The following FAM91A1 variants were observed in gnomAD, a reference collection of about 807,000 sequenced individuals.
The protein encoded by FAM91A1 is protein FAM91A1.
A neutral mutation model predicts 113.5 loss-of-function variants in FAM91A1; 41 were observed. The observed-to-expected ratio is 0.36, with a 90% CI of 0.28 to 0.47. The LOEUF (loss-of-function observed/expected upper bound fraction) is 0.47. FAM91A1 is among the 20% of genes least tolerant of loss of function. The pLI, the probability that FAM91A1 is intolerant of heterozygous loss-of-function variation, is 1.00. For synonymous variants in FAM91A1, 307 were observed against 347.9 expected, an observed-to-expected ratio of 0.88 and a Z score of 1.31; for missense variants, 696 against 1,001.2, an observed-to-expected ratio of 0.70 and a Z score of 4.11.
intron 15 of FAM91A1, among the ~76,000 whole-genome samples, chr8:123,797,367 CTTACAGTGTGT>C (rs1462272526): frequency 2.0e-5 from 3 of 152,128 alleles, no homozygotes; most frequent in Non-Finnish European, 4.4e-5. Context: ...TTAGATGGAA[CTTACAGTGTGT>C]TTACAGTGTG....
At position 123,777,207 on chromosome 8, in the gene FAM91A1, C is replaced by T. The variant is rs1045142833; in HGVS notation, c.310-58C>T. On this transcript the variant is annotated intron_variant, in intron 3 of 23. Transcript: ENST00000334705. Reference sequence around the variant, plus strand: ...TGGCTGTAATAATATTGTATTTATACACATTTTTATTTAAGGACATTTTAG... The same window carrying T: ...TGGCTGTAATAATATTGTATTTATATACATTTTTATTTAAGGACATTTTAG... The T allele has an allele frequency of 7.1e-6, 8 of 1,127,386 alleles. No individual in the cohort carries two copies. In the African/African-American group the frequency reaches 7.9e-5, roughly 11 times the overall value. 69.8% of individuals were successfully genotyped at this position (1,127,386 alleles called of 1,614,324 possible).
rs1815878763 is a variant in FAM91A1 at position 123,808,888 on chromosome 8, C to G, written c.2138-5C>G. The G allele has an allele frequency of 1.2e-6, 2 of 1,607,832 alleles. No individual in the cohort carries two copies. Among genetic ancestry groups the G allele is most frequent in the East Asian group, 2.2e-5 (1 of 44,770 alleles). On this transcript the variant is annotated splice_region_variant and splice_polypyrimidine_tract_variant and intron_variant, in intron 21 of 23. Coordinates refer to ENST00000334705, the MANE Select transcript of FAM91A1 (RefSeq NM_144963.4). ...AAAAAAATAAGTTTATGTATCCTTT[C>G]TTAGGTGCCACAACAGAAGCAGATT...
Position 123,810,336 on chromosome 8 carries a change from T to C in FAM91A1, c.2316T>C (p.Phe772=), listed in dbSNP as rs753365581. ...SRKLSLQVLN[F]VHSFQEGASI... is the part of the protein sequence containing the mutation. ...AACTCTCTCTGCAAGTCCTTAACTT[T>C]GTTCACTCATTCCAGGTAACAAAAA... The change falls in exon 23 of 24, where the codon TTT becomes TTC. Residue 772 remains phenylalanine (F), a synonymous_variant. Transcript: ENST00000334705. The C allele has an allele frequency of 6.8e-6, 11 of 1,613,700 alleles. No individual in the cohort carries two copies. The highest frequency in any genetic ancestry group is 1.7e-5 in the Admixed American group (1 of 59,964).
chr8:123,771,811 T>C (rs1323816932), intron 1 of FAM91A1, among the ~76,000 whole-genome samples: 1 of 152,190 alleles, frequency 6.6e-6, no homozygotes, highest in Non-Finnish European at 1.5e-5. Flanking sequence ...AGAAAATCTT[T>C]GTGTTTTTAG....
chr8:123,796,014 AC>A (rs1393484815), intron 15 of FAM91A1, among the ~76,000 whole-genome samples: 1 of 152,202 alleles, frequency 6.6e-6, no homozygotes, highest in Non-Finnish European at 1.5e-5. Context: ...GTCAGGAAGT[AC>A]CTTGCCAGTA....
chr8:123,812,457 G>GTTATA, intron 23 of FAM91A1, 62 bp from the exon 24 acceptor site: 1 of 1,408,912 alleles, frequency 7.1e-7, no homozygotes, highest in Non-Finnish European at 9.6e-7. Flanking sequence ...TTTCTCATTA[G>GTTATA]TTATATTAAG....
At chr8:123,798,309 G>T in intron 16 of FAM91A1, 71 bp downstream of exon 16, 2 of 1,502,224 alleles carry the variant, frequency 1.3e-6, no homozygotes, top group Non-Finnish European at 1.8e-6. Flanking sequence ...TTCTCTATCT[G>T]CAGATACCAA....
At chr8:123,784,051 C>G (rs1815189936) in intron 8 of FAM91A1, among the ~76,000 whole-genome samples, 1 of 152,204 alleles carries the variant, frequency 6.6e-6, no homozygotes, top group African/African-American at 2.4e-5. Context: ...TATAGCGTAG[C>G]AACTCTTTCT....
intron 8 of FAM91A1, among the ~76,000 whole-genome samples, chr8:123,782,604 T>C (rs1019468311): frequency 3.9e-5 from 6 of 152,248 alleles, no homozygotes; most frequent in African/African-American, 1.4e-4. Flanking sequence ...ATGGAATACC[T>C]GTAGGATATA....
intron 3 of FAM91A1, 28 bp from the exon 4 acceptor site, chr8:123,777,237 C>A: frequency 6.8e-7 from 1 of 1,464,174 alleles, no homozygotes; most frequent in South Asian, 1.2e-5. Flanking sequence ...TTTTAGATTT[C>A]AAATTTAAAT....
chr8:123,804,156 T>C (rs1159688501), intron 18 of FAM91A1, among the ~76,000 whole-genome samples: 2 of 152,112 alleles, frequency 1.3e-5, no homozygotes, highest in Non-Finnish European at 2.9e-5. Flanking sequence ...TTTGAACTAA[T>C]AGTACATTCA....
intron 3 of FAM91A1, among the ~76,000 whole-genome samples, chr8:123,776,378 T>G (rs750463314): frequency 6.6e-6 from 1 of 152,212 alleles, no homozygotes; most frequent in Non-Finnish European, 1.5e-5. Context: ...CGATGTGTGC[T>G]TTGCTGTTTG....
intron 9 of FAM91A1, 169 bp from the exon 10 acceptor site, chr8:123,784,912 G>A: frequency 2.0e-6 from 1 of 509,864 alleles, no homozygotes. Context: ...TGTACTATAA[G>A]GATCTTAGAG....
chr8:123,811,790 G>T (rs1815961421), intron 23 of FAM91A1, among the ~76,000 whole-genome samples: 1 of 152,166 alleles, frequency 6.6e-6, no homozygotes, highest in Non-Finnish European at 1.5e-5. Context: ...GGGGAGGTCT[G>T]TGCGGAATAT....
chr8:123,777,336 T>C lies in FAM91A1; in HGVS notation c.367+14T>C, dbSNP rs1815010134. 1.9e-6 allele frequency: 3 copies of C among 1,609,016 alleles called. No homozygotes were observed. Among genetic ancestry groups the C allele is most frequent in the Non-Finnish European group, 2.5e-6 (3 of 1,177,192 alleles). The stretch of plus-strand genomic sequence containing the variant: ...CTGCTGCTGACTGTAAGTATTTAAT[T>C]GTGCTGAAGAAGGTAATGTTTAGGT... On this transcript the variant is annotated intron_variant, in intron 4 of 23. Coordinates refer to ENST00000334705, the MANE Select transcript of FAM91A1 (RefSeq NM_144963.4).
intron 17 of FAM91A1, 23 bp downstream of exon 17, chr8:123,799,677 GT>G: frequency 1.9e-6 from 3 of 1,612,628 alleles, no homozygotes; most frequent in African/African-American, 1.3e-5. Flanking sequence ...GGTTTGGGTG[GT>G]TTTTTTATGT....
At chr8:123,799,467 T>G in intron 16 of FAM91A1, 53 bp from the exon 17 acceptor site, 1 of 1,542,070 alleles carries the variant, frequency 6.5e-7, no homozygotes, top group Non-Finnish European at 8.8e-7. Context: ...CTGTTCTCGG[T>G]CACTTATGTA....
intron 15 of FAM91A1, among the ~76,000 whole-genome samples, chr8:123,793,084 G>A (rs2130112627): frequency 6.6e-6 from 1 of 152,068 alleles, no homozygotes; most frequent in East Asian, 1.9e-4. Flanking sequence ...TGACGTTATG[G>A]TTAAACATTC....
intron 15 of FAM91A1, among the ~76,000 whole-genome samples, chr8:123,796,758 G>C (rs1815530122): frequency 6.7e-6 from 1 of 150,318 alleles, no homozygotes; most frequent in African/African-American, 2.4e-5. Flanking sequence ...TGCCTGGCCT[G>C]AAGTGTTTTA....
Sources: gnomAD v4.1 joint callset for allele counts (sites outside exome capture counted in the v4.1 genomes callset) on GRCh38, gnomAD v4.1.1 for gene constraint, MANE v1.5 for transcripts, NCBI Gene and HGNC (gene_info 2026-07-23, HGNC 2026-07-21) for gene names.